Variants in PLSCR4 observed in about 807,000 individuals in gnomAD.
The protein encoded by PLSCR4 is Ca(2+)-dependent phospholipid scramblase 4.
Under a neutral mutation model 36.3 loss-of-function variants are expected in PLSCR4, and 25 were observed. That is an observed-to-expected ratio of 0.69 (90% CI 0.50 to 0.96). The LOEUF (loss-of-function observed/expected upper bound fraction) is 0.96, where lower values mean the gene tolerates loss of function less well. Ranked by LOEUF, PLSCR4 falls within the 40% of genes least tolerant of loss-of-function variation. The pLI is 0.00. For synonymous variants in PLSCR4, 122 were observed against 132.9 expected, an observed-to-expected ratio of 0.92 and a Z score of 0.56; for missense variants, 408 against 414.7, an observed-to-expected ratio of 0.98 and a Z score of 0.14.
intron 1 of PLSCR4, among the ~76,000 whole-genome samples, chr3:146,223,493 A>G (rs1331768496): frequency 6.6e-6 from 1 of 152,220 alleles, no homozygotes; most frequent in East Asian, 1.9e-4. Context: ...GTACTTTTCA[A>G]TATGTGATCA....
intron 1 of PLSCR4, among the ~76,000 whole-genome samples, chr3:146,226,298 CAAG>C (rs2035474100): frequency 1.3e-5 from 2 of 152,118 alleles, no homozygotes; most frequent in Admixed American, 6.5e-5. Context: ...TCACAATAAA[CAAG>C]AACCATTTGA....
rs567674086 is a variant in PLSCR4, at chr3:146,207,849, G to A, written c.119-1088C>T. Among the ~76,000 whole-genome samples, 10 of 152,086 alleles carry A rather than the reference G, an allele frequency of 6.6e-5. No individual in the cohort carries two copies. The South Asian group carries it at 1.7e-3, about 25-fold the overall frequency. ...TTAAATGGATACAAGATTTTATCAT[G>A]CTTTAAGAGCACAGTCTACATATTC... On this transcript the variant is annotated intron_variant, in intron 3 of 8. Transcript: ENST00000354952.
At chr3:146,204,871 T>C (rs1441774090) in intron 4 of PLSCR4, among the ~76,000 whole-genome samples, 7 of 152,094 alleles carry the variant, frequency 4.6e-5, no homozygotes, top group Admixed American at 4.6e-4. Flanking sequence ...ATGTTTACTC[T>C]AGCACTTCAC....
chr3:146,202,757 C>G (rs536599333), intron 4 of PLSCR4, among the ~76,000 whole-genome samples: 11 of 152,012 alleles, frequency 7.2e-5, no homozygotes, highest in Non-Finnish European at 1.2e-4. Context: ...ACTGCTTTAT[C>G]AATTATATTT....
chr3:146,250,962 C>CCTGCCCAGCA lies in PLSCR4; in HGVS notation c.-25_-24insTGCTGGGCAG, dbSNP rs2036527812. The CCTGCCCAGCA allele has an allele frequency of 6.5e-6, 1 of 152,860 alleles. No homozygotes were observed. Among genetic ancestry groups the CCTGCCCAGCA allele is most frequent in the Non-Finnish European group, 1.5e-5 (1 of 68,628 alleles). 9.5% of individuals were successfully genotyped at this position (152,860 alleles called of 1,614,324 possible). On this transcript the variant is annotated 5_prime_UTR_variant, in exon 1 of 9. Coordinates refer to ENST00000354952, the MANE Select transcript of PLSCR4 (RefSeq NM_020353.3). ...CCCGCCTGTCCAGCCCCACTCACCG[C>CCTGCCCAGCA]CTGCCCCGCAGAATGCTGGGCACCG...
intron 1 of PLSCR4, 72 bp from the exon 2 acceptor site, chr3:146,222,164 G>C (rs1182892634): frequency 2.0e-6 from 1 of 510,028 alleles, no homozygotes; most frequent in Non-Finnish European, 3.3e-6. Flanking sequence ...AGTAACACAG[G>C]TAAGGATTTC....
chr3:146,194,812 T>C (rs2033625413), intron 8 of PLSCR4, among the ~76,000 whole-genome samples: 1 of 152,160 alleles, frequency 6.6e-6, no homozygotes, highest in African/African-American at 2.4e-5. Flanking sequence ...TTTTAAGTAG[T>C]GACAATGACA....
At position 146,194,419 on chromosome 3, in the gene PLSCR4, A is replaced by G. The variant is rs751626665; in HGVS notation, c.982T>C (p.Ser328Pro). ...TGGCTTGCTGTGTCTCTCTATCTTG[A>G]ACGTTGTGGTGGAGATCTTTCAAAA... ...MYFERSPPQR[S>P]R Residue 328 changes from serine (S) to proline (P), a missense_variant, in exon 9 of 9, where the codon TCA (serine) becomes CCA (proline). Physicochemically the swap from Ser to Pro is moderately conservative, Grantham distance 74. Coordinates refer to ENST00000354952, the MANE Select transcript of PLSCR4 (RefSeq NM_020353.3). 1 of 1,608,402 alleles carries G rather than the reference A, an allele frequency of 6.2e-7. No individual in the cohort carries two copies. Among genetic ancestry groups the G allele is most frequent in the South Asian group, 1.1e-5 (1 of 90,910 alleles).
chr3:146,212,969 G>A (rs2034698926), intron 3 of PLSCR4, among the ~76,000 whole-genome samples: 1 of 151,984 alleles, frequency 6.6e-6, no homozygotes, highest in Non-Finnish European at 1.5e-5. Flanking sequence ...TTACTGATGT[G>A]GTCATGTGGT....
At chr3:146,200,380 T>C (rs545261282) in intron 5 of PLSCR4, among the ~76,000 whole-genome samples, 9 of 152,172 alleles carry the variant, frequency 5.9e-5, no homozygotes, top group Non-Finnish European at 1.2e-4. Context: ...CATTTGACCA[T>C]TAATTAATCA....
chr3:146,227,542 C>A (rs1047777991), intron 1 of PLSCR4, among the ~76,000 whole-genome samples: 9 of 152,190 alleles, frequency 5.9e-5, no homozygotes, highest in Non-Finnish European at 1.0e-4. Context: ...ACTCTCAGAA[C>A]CTGATAAAAC....
At chr3:146,214,558 G>GT (rs1019577542) in intron 3 of PLSCR4, among the ~76,000 whole-genome samples, 64 of 151,192 alleles carry the variant, frequency 4.2e-4, no homozygotes, top group African/African-American at 1.3e-3. Flanking sequence ...TGTGTGTGAT[G>GT]TTTTTTTTGC....
At chr3:146,234,397 G>C (rs574589930) in intron 1 of PLSCR4, among the ~76,000 whole-genome samples, 10 of 152,180 alleles carry the variant, frequency 6.6e-5, no homozygotes, top group Admixed American at 3.9e-4. Context: ...TCTCCATTCT[G>C]TCATGTCCCA....
intron 1 of PLSCR4, among the ~76,000 whole-genome samples, chr3:146,245,667 C>G (rs1340252208): frequency 1.3e-5 from 2 of 151,824 alleles, no homozygotes; most frequent in Non-Finnish European, 2.9e-5. Context: ...ATAATGATAG[C>G]AATGTTTTTA....
chr3:146,205,398 TTTA>T (rs1373538370), intron 4 of PLSCR4, among the ~76,000 whole-genome samples: 4 of 152,022 alleles, frequency 2.6e-5, no homozygotes, highest in African/African-American at 9.7e-5. Flanking sequence ...TAGGAATTTT[TTTA>T]TTATTAAGTA....
At chr3:146,238,251 A>C (rs1001924007) in intron 1 of PLSCR4, among the ~76,000 whole-genome samples, 2 of 151,918 alleles carry the variant, frequency 1.3e-5, no homozygotes, top group Non-Finnish European at 2.9e-5. Context: ...CATTCTACCA[A>C]ATACTTAATA....
intron 3 of PLSCR4, among the ~76,000 whole-genome samples, chr3:146,208,280 C>G (rs1264850714): frequency 6.6e-6 from 1 of 152,046 alleles, no homozygotes; most frequent in African/African-American, 2.4e-5. Context: ...AAAATCAACG[C>G]AAGATGGATC....
rs772120264 is a variant in PLSCR4 at position 146,220,813 on chromosome 3, A to C, written c.118+2T>G. ...AATATCTTTTATGAATATTTAACCC[A>C]CCTGGTAAAAAATGAGAATTGTATT... On this transcript the variant is annotated splice_donor_variant, in intron 3 of 8. Transcript: ENST00000354952. LOFTEE classifies it high-confidence loss of function. The C allele has an allele frequency of 1.9e-5, 30 of 1,557,182 alleles. No individual in the cohort carries two copies. In the Admixed American group the frequency reaches 5.1e-4, roughly 26 times the overall value.
At chr3:146,200,282 GAAAA>G (rs2033975018) in intron 5 of PLSCR4, among the ~76,000 whole-genome samples, 2 of 151,910 alleles carry the variant, frequency 1.3e-5, no homozygotes, top group Admixed American at 1.3e-4. Flanking sequence ...TTACATAAAA[GAAAA>G]GATTGAAACA....
Sources: allele counts gnomAD v4.1 joint callset (sites outside exome capture counted in the v4.1 genomes callset), GRCh38; gene constraint gnomAD v4.1.1; transcripts MANE v1.5; gene names NCBI Gene and HGNC (gene_info 2026-07-23, HGNC 2026-07-21).